Variants in MARCHF1 observed in about 807,000 individuals in gnomAD.
MARCHF1 encodes the protein membrane associated ring-CH-type finger 1.
A neutral mutation model predicts 54.2 loss-of-function variants in MARCHF1; 40 were observed. The ratio of observed to expected loss-of-function variants is 0.74; its 90% CI spans 0.57 to 0.96. The LOEUF (loss-of-function observed/expected upper bound fraction) is 0.96. MARCHF1 is among the 40% of genes least tolerant of loss of function. MARCHF1 has a pLI of 0.00. For missense variants in MARCHF1, 586 were observed against 656.5 expected (o/e 0.89, Z 1.17); for synonymous variants, 236 against 236.3 (o/e 1.00, Z 0.01).
chr4:163,659,313 T>G lies in MARCHF1; in HGVS notation c.162+41500A>C, dbSNP rs568494553. Reference sequence around the variant, plus strand: ...AACAAGCAATGGGGAAAGGATTCCCTATTTAATAAATGGTGCTGGGGAAAC... The same window carrying G: ...AACAAGCAATGGGGAAAGGATTCCCGATTTAATAAATGGTGCTGGGGAAAC... On this transcript the variant is annotated intron_variant, in intron 5 of 9. Coordinates refer to ENST00000514618, the MANE Select transcript of MARCHF1 (RefSeq NM_001394959.1). Among the ~76,000 whole-genome samples, 18 of 152,236 alleles carry G rather than the reference T, an allele frequency of 1.2e-4. 1 individual carries two copies. The highest frequency in any genetic ancestry group is 4.1e-4 in the African/African-American group (17 of 41,572).
At chr4:163,785,325 A>G (rs1316570057) in intron 4 of MARCHF1, among the ~76,000 whole-genome samples, 2 of 152,106 alleles carry the variant, frequency 1.3e-5, no homozygotes, top group Non-Finnish European at 2.9e-5. Context: ...TTTCATACCA[A>G]TGTCCACAGT....
At chr4:163,677,112 A>C (rs900927655) in intron 5 of MARCHF1, among the ~76,000 whole-genome samples, 1 of 152,350 alleles carries the variant, frequency 6.6e-6, no homozygotes, top group Non-Finnish European at 1.5e-5. Flanking sequence ...AGGGAGAAAT[A>C]GGTAGGTTAA....
intron 4 of MARCHF1, among the ~76,000 whole-genome samples, chr4:163,772,343 A>G (rs1747185923): frequency 6.6e-6 from 1 of 152,304 alleles, no homozygotes; most frequent in African/African-American, 2.4e-5. Flanking sequence ...ATTTCTGTGT[A>G]ATAAATTGCC....
chr4:164,241,116 T>C (rs767763179), intron 1 of MARCHF1, among the ~76,000 whole-genome samples: 8 of 152,068 alleles, frequency 5.3e-5, no homozygotes, highest in Non-Finnish European at 1.0e-4. Flanking sequence ...CTGAGACCCA[T>C]GAATCGTACC....
chr4:163,622,085 G>A (rs938281625), intron 5 of MARCHF1, among the ~76,000 whole-genome samples: 2 of 152,064 alleles, frequency 1.3e-5, no homozygotes, highest in Non-Finnish European at 2.9e-5. Context: ...TTTCTGGGTT[G>A]TGTAAAAGGC....
chr4:164,282,456 C>T (rs747357865), intron 1 of MARCHF1, among the ~76,000 whole-genome samples: 1 of 150,786 alleles, frequency 6.6e-6, no homozygotes, highest in African/African-American at 2.4e-5. Context: ...ACAGTTGCAC[C>T]ATCTCCAATA....
chr4:164,055,863 A>G (rs1239676132), intron 2 of MARCHF1, among the ~76,000 whole-genome samples: 1 of 152,158 alleles, frequency 6.6e-6, no homozygotes, highest in Non-Finnish European at 1.5e-5. Context: ...TGAAGATTTT[A>G]TTAGATTATT....
At chr4:164,183,530 T>G (rs1028213835) in intron 1 of MARCHF1, among the ~76,000 whole-genome samples, 1 of 152,358 alleles carries the variant, frequency 6.6e-6, no homozygotes, top group South Asian at 2.1e-4. Flanking sequence ...TTTCTTAATT[T>G]TGAATTCCAG....
At position 164,101,192 on chromosome 4, in the gene MARCHF1, A is replaced by G. The variant is rs1270775505; in HGVS notation, c.-248+10396T>C. Among the ~76,000 whole-genome samples the G allele has an allele frequency of 3.4e-3, 514 of 152,134 alleles. 1 individual carries two copies. Among genetic ancestry groups the G allele is most frequent in the Admixed American group, 6.4e-3 (97 of 15,270 alleles). On this transcript the variant is annotated intron_variant, in intron 2 of 9. Transcript: ENST00000514618. The stretch of plus-strand genomic sequence containing the variant: ...GCAGCAGCGAGGCCGGGGGAGGGGC[A>G]CCCGCCATTGCCCAGGCTTGATTAG...
intron 1 of MARCHF1, among the ~76,000 whole-genome samples, chr4:164,320,410 A>G (rs993188400): frequency 6.6e-5 from 10 of 152,168 alleles, no homozygotes; most frequent in African/African-American, 1.9e-4. Flanking sequence ...TGCTCCTCAA[A>G]TGATGAGAAA....
chr4:163,767,338 CTTT>C (rs199922569), intron 4 of MARCHF1, among the ~76,000 whole-genome samples: 3 of 141,736 alleles, frequency 2.1e-5, no homozygotes, highest in Non-Finnish European at 3.1e-5. Flanking sequence ...ATTGCATTGC[CTTT>C]TTTTTTTTTT....
chr4:164,273,917 G>A (rs1199990446), intron 1 of MARCHF1, among the ~76,000 whole-genome samples: 2 of 152,124 alleles, frequency 1.3e-5, no homozygotes, highest in Admixed American at 1.3e-4. Flanking sequence ...CCAAAGTTTG[G>A]GGAGTTTTTG....
At chr4:164,075,428 C>T (rs1355408560) in intron 2 of MARCHF1, among the ~76,000 whole-genome samples, 1 of 152,138 alleles carries the variant, frequency 6.6e-6, no homozygotes, top group Non-Finnish European at 1.5e-5. Flanking sequence ...TCAATAATCA[C>T]CAAGAGAGGG....
rs187227472 is a variant in MARCHF1, at chr4:164,186,279, T to A, written c.-322-74617A>T. On this transcript the variant is annotated intron_variant, in intron 1 of 9. Coordinates refer to ENST00000514618, the MANE Select transcript of MARCHF1 (RefSeq NM_001394959.1). ...TGAATAACGTGTTAAATTCAGGATC[T>A]CCTTGAGGGTAGAAAAATTGTGTCA... Among the ~76,000 whole-genome samples, 711 of 152,314 alleles carry A rather than the reference T, an allele frequency of 4.7e-3. 5 individuals carry two copies. Among genetic ancestry groups the A allele is most frequent in the Non-Finnish European group, 7.7e-3 (527 of 68,022 alleles).
intron 5 of MARCHF1, among the ~76,000 whole-genome samples, chr4:163,666,510 A>C (rs772091145): frequency 6.6e-6 from 1 of 152,152 alleles, no homozygotes; most frequent in African/African-American, 2.4e-5. Context: ...AAGGAAGTAC[A>C]TGTTCAAACA....
At chr4:164,154,386 G>T (rs923384304) in intron 1 of MARCHF1, among the ~76,000 whole-genome samples, 1 of 152,156 alleles carries the variant, frequency 6.6e-6, no homozygotes, top group African/African-American at 2.4e-5. Context: ...ATATGTTAAG[G>T]GTTTTGATTC....
chr4:164,350,516 C>T (rs7686759), intron 1 of MARCHF1, among the ~76,000 whole-genome samples: 65,166 of 151,934 alleles, frequency 0.43, 14,787 homozygotes, highest in Non-Finnish European at 0.5. Context: ...ATCTTCCCAA[C>T]TCAAAGAAAT....
At chr4:164,227,908 CAT>C (rs1732304430) in intron 1 of MARCHF1, among the ~76,000 whole-genome samples, 1 of 152,044 alleles carries the variant, frequency 6.6e-6, no homozygotes, top group South Asian at 2.1e-4. Flanking sequence ...TGATTAATAA[CAT>C]AGAAAATTCT....
At position 163,569,310 on chromosome 4, in the gene MARCHF1, T is replaced by C. The variant is rs371021981; in HGVS notation, c.1191+16439A>G. 3.7e-4 allele frequency among the ~76,000 whole-genome samples: 56 copies of C among 152,268 alleles called. 1 individual carries two copies. In the South Asian group the frequency reaches 0.011, roughly 30 times the overall value. On this transcript the variant is annotated intron_variant, in intron 8 of 9. Transcript: ENST00000514618. Reference sequence around the variant, plus strand: ...CACGCTGTAATGTCTCTGTCTACTCTGTGTCCTTTTAGTTTTTTGTATCTT... The same window carrying C: ...CACGCTGTAATGTCTCTGTCTACTCCGTGTCCTTTTAGTTTTTTGTATCTT...
Sources: gnomAD v4.1 joint callset for allele counts (sites outside exome capture counted in the v4.1 genomes callset) on GRCh38, gnomAD v4.1.1 for gene constraint, MANE v1.5 for transcripts, NCBI Gene and HGNC (gene_info 2026-07-23, HGNC 2026-07-21) for gene names.